Variants in DAPK1 observed in about 807,000 individuals in gnomAD.
DAPK1 encodes the protein death associated protein kinase 1, also known as death-associated protein kinase 1.
In DAPK1, 56 loss-of-function variants were observed where a neutral mutation model predicts 144.9. The ratio of observed to expected loss-of-function variants is 0.39; its 90% CI spans 0.31 to 0.48. The LOEUF is 0.48. Ranked by LOEUF, DAPK1 falls within the 20% of genes least tolerant of loss-of-function variation. The pLI is 0.95. For missense variants in DAPK1, 1,454 were observed against 1,875.4 expected (o/e 0.78, Z 4.15); for synonymous variants, 690 against 749.0 (o/e 0.92, Z 1.29).
At chr9:87,649,281 G>A (rs567285431) in intron 15 of DAPK1, among the ~76,000 whole-genome samples, 22 of 152,284 alleles carry the variant, frequency 1.4e-4, no homozygotes, top group Middle Eastern at 3.4e-3. Context: ...AACCACCGCC[G>A]CACTAGGATG....
At chr9:87,530,546 A>G (rs1255837066) in intron 2 of DAPK1, among the ~76,000 whole-genome samples, 1 of 152,186 alleles carries the variant, frequency 6.6e-6, no homozygotes, top group African/African-American at 2.4e-5. Context: ...TCCCTTTTAG[A>G]TTTAATAATG....
intron 2 of DAPK1, among the ~76,000 whole-genome samples, chr9:87,523,228 T>C (rs939412106): frequency 6.6e-6 from 1 of 152,240 alleles, no homozygotes; most frequent in Non-Finnish European, 1.5e-5. Flanking sequence ...TTTTTTAAAA[T>C]AGTCGGATTT....
chr9:87,697,064 A>G lies in DAPK1; in HGVS notation c.2471A>G (p.Tyr824Cys), dbSNP rs1361580620. 6.3e-7 allele frequency: 1 copy of G among 1,592,922 alleles called. No individual in the cohort carries two copies. Among genetic ancestry groups the G allele is most frequent in the Non-Finnish European group, 8.6e-7 (1 of 1,160,628 alleles). ...FSGNPVYFCCYDYFAANDPTS... is the reference protein window; with the variant it reads ...FSGNPVYFCCCDYFAANDPTS... ...GGAAATCCTGTGTATTTCTGCTGTT[A>G]TGACTATTTTGCTGCAAATGATCCC... The change falls in exon 22 of 26, where the codon TAT becomes TGT. Residue 824 changes from tyrosine to cysteine, a missense_variant. Transcript: ENST00000408954.
chr9:87,607,463 C>G (rs1275530780), intron 3 of DAPK1, among the ~76,000 whole-genome samples: 1 of 152,142 alleles, frequency 6.6e-6, no homozygotes, highest in Non-Finnish European at 1.5e-5. Flanking sequence ...AGTCACTGCC[C>G]CTCTTGTGCC....
intron 18 of DAPK1, among the ~76,000 whole-genome samples, chr9:87,666,174 C>G (rs796618131): frequency 4.6e-5 from 7 of 152,268 alleles, no homozygotes; most frequent in African/African-American, 1.7e-4. Flanking sequence ...TGTGCTGGTT[C>G]TTTCCATTTG....
chr9:87,667,184 G>A (rs1831090362), intron 18 of DAPK1, among the ~76,000 whole-genome samples: 1 of 152,198 alleles, frequency 6.6e-6, no homozygotes, highest in Non-Finnish European at 1.5e-5. Context: ...GAGATGCAGT[G>A]TCTGATAAGG....
intron 2 of DAPK1, among the ~76,000 whole-genome samples, chr9:87,596,736 G>T (rs1235802103): frequency 2.6e-5 from 4 of 152,168 alleles, no homozygotes; most frequent in Non-Finnish European, 5.9e-5. Flanking sequence ...CTTCTGGGGC[G>T]ATCTGTTAAA....
At chr9:87,689,173 G>A (rs1014204986) in intron 21 of DAPK1, among the ~76,000 whole-genome samples, 15 of 151,654 alleles carry the variant, frequency 9.9e-5, no homozygotes, top group Non-Finnish European at 1.9e-4. Flanking sequence ...CTATCCCAGC[G>A]CCATTGATTG....
At chr9:87,704,168 A>G (rs995905239) in intron 25 of DAPK1, among the ~76,000 whole-genome samples, 6 of 152,206 alleles carry the variant, frequency 3.9e-5, no homozygotes, top group Admixed American at 6.5e-5. Flanking sequence ...GAATCTGCCA[A>G]CTCATCCAGG....
In DAPK1 at chr9:87,697,091, C is replaced by T. The variant is rs560541760; in HGVS notation, c.2498C>T (p.Thr833Met). The T allele has an allele frequency of 6.4e-6, 10 of 1,559,066 alleles. No homozygotes were observed. The highest frequency in any genetic ancestry group is 1.7e-4 in the Middle Eastern group (1 of 5,968). Residue 833 changes from threonine (T) to methionine (M), a missense_variant, in exon 22 of 26, where the codon ACG (threonine) becomes ATG (methionine). This residue lies in a region of DAPK1 where 1,025 missense variants were observed against 1,237.9 expected (regional missense o/e 0.83). Transcript: ENST00000408954. Reference protein sequence around the residue: ...CYDYFAANDPTSIHVVVFSLE... With the variant: ...CYDYFAANDPMSIHVVVFSLE... ...GACTATTTTGCTGCAAATGATCCCACGTCAATCCATGTTGTTGTCTTTAGT... is the reference window on the plus strand; with the variant it reads ...GACTATTTTGCTGCAAATGATCCCATGTCAATCCATGTTGTTGTCTTTAGT...
At chr9:87,517,305 C>T (rs950844472) in intron 2 of DAPK1, among the ~76,000 whole-genome samples, 18 of 152,006 alleles carry the variant, frequency 1.2e-4, no homozygotes, top group Admixed American at 3.9e-4. Flanking sequence ...CTCTTCTTCT[C>T]GGTGGACTGG....
At chr9:87,677,725 A>G (rs990447362) in intron 19 of DAPK1, among the ~76,000 whole-genome samples, 1 of 152,168 alleles carries the variant, frequency 6.6e-6, no homozygotes, top group African/African-American at 2.4e-5. Flanking sequence ...GATGCTCACC[A>G]TGGAAGGTGA....
intron 2 of DAPK1, among the ~76,000 whole-genome samples, chr9:87,516,049 C>T (rs551050097): frequency 1.2e-4 from 18 of 152,268 alleles, no homozygotes; most frequent in African/African-American, 3.9e-4. Context: ...GGGCTTGTAT[C>T]CCAGTCAGCG....
At chr9:87,678,159 C>T (rs946080006) in intron 19 of DAPK1, among the ~76,000 whole-genome samples, 13 of 152,194 alleles carry the variant, frequency 8.5e-5, no homozygotes, top group Non-Finnish European at 1.8e-4. Flanking sequence ...TGGTTTGGTG[C>T]CGTGGCCTCC....
chr9:87,497,858 C>T, upstream of DAPK1: 2 of 392,678 alleles, frequency 5.1e-6, no homozygotes, highest in Non-Finnish European at 9.0e-6. Context: ...GGCAAGGAGC[C>T]GAGAGGCTGC....
intron 12 of DAPK1, 29 bp downstream of exon 12, chr9:87,646,043 G>C: frequency 6.2e-7 from 1 of 1,604,984 alleles, no homozygotes; most frequent in East Asian, 2.2e-5. Context: ...GCATACTGGA[G>C]GGGTGGGTCA....
chr9:87,508,362 A>T lies in DAPK1; in HGVS notation c.62+9223A>T, dbSNP rs1168509392. Among the ~76,000 whole-genome samples the T allele has an allele frequency of 7.6e-5, 10 of 131,234 alleles. No homozygotes were observed. In the East Asian group the frequency reaches 9.7e-4, roughly 13 times the overall value. The allele number at this position is 131,234 out of a possible 152,430, so 86.1% of individuals were successfully genotyped here. On this transcript the variant is annotated intron_variant, in intron 2 of 25. Coordinates refer to ENST00000408954, the MANE Select transcript of DAPK1 (RefSeq NM_004938.4). ...ATTGTCAGGATTTTTTTTTTTTTTT[A>T]AACGGAGTCTTGCTTTGTCGCCCAG...
intron 19 of DAPK1, among the ~76,000 whole-genome samples, chr9:87,676,950 G>C (rs1824407754): frequency 1.3e-5 from 2 of 152,204 alleles, no homozygotes; most frequent in South Asian, 4.1e-4. Flanking sequence ...TTCTGGCTTT[G>C]CTCTGTCACC....
intron 2 of DAPK1, among the ~76,000 whole-genome samples, chr9:87,501,393 T>C (rs1476450173): frequency 6.6e-6 from 1 of 152,124 alleles, no homozygotes; most frequent in Non-Finnish European, 1.5e-5. Flanking sequence ...TTTAAGACTT[T>C]AATTGGCCAG....
Sources: gnomAD v4.1 joint callset for allele counts (sites outside exome capture counted in the v4.1 genomes callset) on GRCh38, gnomAD v4.1.1 for gene constraint, gnomAD v4.1.1 regional missense constraint, MANE v1.5 for transcripts, NCBI Gene and HGNC (gene_info 2026-07-23, HGNC 2026-07-21) for gene names.